Variants in ANKFN1 observed in about 807,000 individuals in gnomAD.
ANKFN1 encodes ankyrin repeat and fibronectin type III domain containing 1.
Under a neutral mutation model 108.7 loss-of-function variants are expected in ANKFN1, and 74 were observed. The observed-to-expected ratio is 0.68, with a 90% CI of 0.56 to 0.83. The LOEUF is 0.83. Among genes scored for constraint, ANKFN1 ranks in the 40% least tolerant of loss-of-function variants. The pLI is 0.00. For synonymous variants in ANKFN1, 547 were observed against 516.2 expected, an observed-to-expected ratio of 1.06 and a Z score of -0.81; for missense variants, 1,505 against 1,382.3, an observed-to-expected ratio of 1.09 and a Z score of -1.41.
chr17:56,456,339 T>C (rs1026492847), intron 11 of ANKFN1, among the ~76,000 whole-genome samples: 16 of 152,010 alleles, frequency 1.1e-4, no homozygotes, highest in African/African-American at 3.9e-4. Flanking sequence ...TCCAGCATTT[T>C]TGAGGAGTTG....
At chr17:56,261,277 A>G (rs1374875639) in intron 3 of ANKFN1, among the ~76,000 whole-genome samples, 1 of 152,222 alleles carries the variant, frequency 6.6e-6, no homozygotes, top group African/African-American at 2.4e-5. Flanking sequence ...TGCCATTGTT[A>G]GAAGACCAAC....
chr17:56,488,397 C>T (rs758633581), intron 18 of ANKFN1, among the ~76,000 whole-genome samples: 6 of 152,012 alleles, frequency 3.9e-5, no homozygotes, highest in Non-Finnish European at 8.8e-5. Context: ...AATAAGAGTG[C>T]CGAGACGGAT....
At chr17:56,249,434 A>G (rs928384148) in intron 3 of ANKFN1, among the ~76,000 whole-genome samples, 15 of 152,014 alleles carry the variant, frequency 9.9e-5, no homozygotes, top group South Asian at 6.3e-4. Flanking sequence ...ACTCTGTCTC[A>G]AAAAAATAAA....
chr17:56,507,033 A>G (rs569535110), intron 20 of ANKFN1, among the ~76,000 whole-genome samples: 2 of 152,348 alleles, frequency 1.3e-5, no homozygotes, highest in East Asian at 1.9e-4. Flanking sequence ...ACCATTGTGG[A>G]TACATGCACA....
Position 56,385,831 on chromosome 17 carries a change from G to C in ANKFN1, c.910+11117G>C, listed in dbSNP as rs983800906. ...AAAAGTCAGGAAACAACAGATGCTGGAGAGGATGTGGAGAAACAGGAACAC... is the reference window on the plus strand; with the variant it reads ...AAAAGTCAGGAAACAACAGATGCTGCAGAGGATGTGGAGAAACAGGAACAC... On this transcript the variant is annotated intron_variant, in intron 8 of 20. Coordinates refer to ENST00000682825, the MANE Select transcript of ANKFN1 (RefSeq NM_001370326.1). 3.3e-5 allele frequency among the ~76,000 whole-genome samples: 5 copies of C among 152,306 alleles called. 1 individual carries two copies. The highest frequency in any genetic ancestry group is 4.1e-4 in the South Asian group (2 of 4,826).
At position 56,511,489 on chromosome 17, in the gene ANKFN1, G is replaced by A; in HGVS notation, c.*220G>A. 1 of 564,632 alleles carries A rather than the reference G, an allele frequency of 1.8e-6. No homozygotes were observed. Among genetic ancestry groups the A allele is most frequent in the Non-Finnish European group, 3.1e-6 (1 of 323,350 alleles). 35.0% of individuals were successfully genotyped at this position (564,632 alleles called of 1,614,324 possible). On this transcript the variant is annotated 3_prime_UTR_variant, in exon 21 of 21. Coordinates refer to ENST00000682825, the MANE Select transcript of ANKFN1 (RefSeq NM_001370326.1). ...CCCACTTCAGCCTAGAAAGGGCATG[G>A]GGGAGTTGTGTCAACATGGAATACG... is the stretch of plus-strand genomic sequence containing the variant.
chr17:56,489,929 A>G (rs1264330805), intron 18 of ANKFN1, among the ~76,000 whole-genome samples: 1 of 152,152 alleles, frequency 6.6e-6, no homozygotes, highest in African/African-American at 2.4e-5. Flanking sequence ...CTGCCAGGAA[A>G]TATTATAGAC....
chr17:56,182,725 G>GA (rs1911802540), intron 1 of ANKFN1, among the ~76,000 whole-genome samples: 1 of 152,142 alleles, frequency 6.6e-6, no homozygotes, highest in Non-Finnish European at 1.5e-5. Context: ...TTCAATGTAG[G>GA]AAAACTAGCC....
chr17:56,143,860 G>A (rs914912795), intron 4 of ANKFN1, among the ~76,000 whole-genome samples: 32 of 152,082 alleles, frequency 2.1e-4, no homozygotes, highest in Non-Finnish European at 5.9e-5. Context: ...CCAGGAGAGA[G>A]GCATGGAATG....
intron 15 of ANKFN1, 120 bp from the exon 16 acceptor site, chr17:56,477,368 A>T: frequency 1.0e-6 from 1 of 975,046 alleles, no homozygotes; most frequent in Non-Finnish European, 1.4e-6. Context: ...TTTCTCACCT[A>T]ATTACTTAGT....
chr17:56,239,724 G>A (rs1213300208), intron 3 of ANKFN1, among the ~76,000 whole-genome samples: 3 of 151,944 alleles, frequency 2.0e-5, no homozygotes, highest in Admixed American at 2.0e-4. Flanking sequence ...AAACCCACAA[G>A]GATTTCTAAA....
intron 1 of ANKFN1, among the ~76,000 whole-genome samples, chr17:56,188,581 G>GTGTGTGTGTGTGTGTGTGTATA (rs1212242378): frequency 2.0e-5 from 1 of 49,668 alleles, no homozygotes; most frequent in Non-Finnish European, 3.4e-5. Flanking sequence ...GTGTGTGTGT[G>GTGTGTGTGTGTGTGTGTGTATA]TATATATATA....
chr17:56,250,568 T>C lies in ANKFN1; in HGVS notation c.53+22611T>C, dbSNP rs16956949. Among the ~76,000 whole-genome samples the C allele has an allele frequency of 5.3e-3, 809 of 152,346 alleles. 8 individuals are homozygous for C. The highest frequency in any genetic ancestry group is 0.019 in the African/African-American group (775 of 41,570). Reference sequence around the variant, plus strand: ...TTTCTGCACACAGAGTATTTTTTCTTAAAGCATCTATGCCACACAAACTAG... The same window carrying C: ...TTTCTGCACACAGAGTATTTTTTCTCAAAGCATCTATGCCACACAAACTAG... On this transcript the variant is annotated intron_variant, in intron 3 of 20. Coordinates refer to ENST00000682825, the MANE Select transcript of ANKFN1 (RefSeq NM_001370326.1).
At chr17:56,320,332 A>G (rs552480680) in intron 3 of ANKFN1, among the ~76,000 whole-genome samples, 5 of 152,348 alleles carry the variant, frequency 3.3e-5, no homozygotes, top group African/African-American at 1.2e-4. Context: ...TCCAAAATTA[A>G]GACAGTGTGA....
chr17:56,276,108 C>T (rs955365630), intron 3 of ANKFN1, among the ~76,000 whole-genome samples: 4 of 152,088 alleles, frequency 2.6e-5, no homozygotes, highest in African/African-American at 4.8e-5. Flanking sequence ...TGAGTGAGAA[C>T]ATGCGGTGTT....
intron 5 of ANKFN1, among the ~76,000 whole-genome samples, chr17:56,351,896 C>T (rs11079224): frequency 0.5 from 75,710 of 151,958 alleles, 19,254 homozygotes; most frequent in Middle Eastern, 0.57. Flanking sequence ...CCTAGCCTTT[C>T]CAGATAGAAG....
intron 11 of ANKFN1, among the ~76,000 whole-genome samples, chr17:56,452,768 G>C (rs2049535349): frequency 6.6e-6 from 1 of 151,974 alleles, no homozygotes; most frequent in Non-Finnish European, 1.5e-5. Context: ...TTTATTTTTA[G>C]TCTGACTTTT....
chr17:56,056,992 A>C (rs952256958), intron 4 of ANKFN1, among the ~76,000 whole-genome samples: 2 of 152,162 alleles, frequency 1.3e-5, no homozygotes, highest in African/African-American at 4.8e-5. Flanking sequence ...TTATCAACCC[A>C]AGTTTATGTA....
chr17:56,139,242 T>C (rs551675239), intron 4 of ANKFN1, among the ~76,000 whole-genome samples: 15 of 152,334 alleles, frequency 9.8e-5, no homozygotes, highest in African/African-American at 1.9e-4. Context: ...GAACCCACCA[T>C]TGTTCACTAA....
Sources: allele counts gnomAD v4.1 joint callset (sites outside exome capture counted in the v4.1 genomes callset), GRCh38; gene constraint gnomAD v4.1.1; transcripts MANE v1.5; gene names NCBI Gene and HGNC (gene_info 2026-07-23, HGNC 2026-07-21).